Variants in WNK1 observed in about 807,000 individuals in gnomAD.
WNK1 encodes the protein WNK lysine deficient protein kinase 1.
Under a neutral mutation model 222.8 loss-of-function variants are expected in WNK1, and 38 were observed. The observed-to-expected ratio is 0.17, with a 90% CI of 0.13 to 0.22. The LOEUF (loss-of-function observed/expected upper bound fraction) is 0.22. WNK1 is among the 10% of genes least tolerant of loss of function. The probability of loss-of-function intolerance (pLI) is 1.00; values close to 1 mark genes in which losing one functional copy is unlikely to be tolerated. For missense variants in WNK1, 2,348 were observed against 2,918.4 expected (o/e 0.80, Z 4.50); for synonymous variants, 1,090 against 1,092.9 (o/e 1.00, Z 0.05).
intron 24 of WNK1, 124 bp downstream of exon 24, chr12:896,856 G>A (rs1954771138): frequency 9.8e-7 from 1 of 1,016,394 alleles, no homozygotes; most frequent in African/African-American, 1.6e-5. Context: ...AAGAGACAGT[G>A]CCACAGAAGC....
chr12:865,130 G>A (rs1186233666), intron 8 of WNK1: 1 of 1,515,040 alleles, frequency 6.6e-7, no homozygotes, highest in South Asian at 1.2e-5. Context: ...GCCGTAGCAT[G>A]TCGGTTTGTG....
At chr12:779,499 A>C (rs1943466690) in intron 1 of WNK1, among the ~76,000 whole-genome samples, 1 of 147,910 alleles carries the variant, frequency 6.8e-6, no homozygotes, top group East Asian at 2.0e-4. Context: ...CTGCCTCCTG[A>C]GTTCAAGTGA....
intron 4 of WNK1, among the ~76,000 whole-genome samples, chr12:849,770 A>G (rs1188340986): frequency 6.9e-6 from 1 of 145,442 alleles, no homozygotes; most frequent in Non-Finnish European, 1.5e-5. Flanking sequence ...TCCTGTGTCC[A>G]TGTGTTCTCA....
chr12:777,770 A>G (rs981506903), intron 1 of WNK1, among the ~76,000 whole-genome samples: 2 of 152,188 alleles, frequency 1.3e-5, no homozygotes, highest in Non-Finnish European at 2.9e-5. Context: ...CAATAGCTAC[A>G]TGGTAGCTAT....
At chr12:858,128 A>G (rs1950926016) in intron 5 of WNK1, among the ~76,000 whole-genome samples, 1 of 151,882 alleles carries the variant, frequency 6.6e-6, no homozygotes, top group Admixed American at 6.6e-5. Flanking sequence ...TCATTTTTAT[A>G]TATGCTGGGT....
At chr12:906,072 T>G (rs1955670578) in intron 26 of WNK1, among the ~76,000 whole-genome samples, 1 of 152,186 alleles carries the variant, frequency 6.6e-6, no homozygotes, top group Non-Finnish European at 1.5e-5. Flanking sequence ...GTGGCAGGAT[T>G]GCGTTAGGTG....
chr12:770,724 A>C (rs1942376099), intron 1 of WNK1, among the ~76,000 whole-genome samples: 1 of 152,098 alleles, frequency 6.6e-6, no homozygotes, highest in Non-Finnish European at 1.5e-5. Flanking sequence ...TTAAACTCTT[A>C]GTGGTTTGTG....
At chr12:793,504 G>A (rs1203703713) in intron 1 of WNK1, among the ~76,000 whole-genome samples, 1 of 152,092 alleles carries the variant, frequency 6.6e-6, no homozygotes, top group Non-Finnish European at 1.5e-5. Flanking sequence ...CAAATGAAAA[G>A]ACAGGTTGAT....
At position 897,613 on chromosome 12, in the gene WNK1, C is replaced by G. The variant is rs1565607272; in HGVS notation, c.6380C>G (p.Pro2127Arg). ...AAPLSGRRRR[P>R]TKSKGSKSSR... ...CCCCTTTCAGGGAGAAGACGACGAC[C>G]CACTAAAAGCAAAGGCAGCAAATCT... Residue 2127 changes from proline to arginine, a missense_variant, in exon 25 of 28, where the codon CCC becomes CGC. Transcript: ENST00000315939. 1 of 1,614,160 alleles carries G rather than the reference C, an allele frequency of 6.2e-7. No homozygotes were observed.
chr12:875,043 T>C (rs561150450), intron 9 of WNK1, among the ~76,000 whole-genome samples: 1 of 152,310 alleles, frequency 6.6e-6, no homozygotes, highest in African/African-American at 2.4e-5. Context: ...AAAAAAATTA[T>C]ACTGTGAGCA....
rs1247794148 is a variant in WNK1 at position 779,554 on chromosome 12, GC to G, written c.759+25232del. ...TGAGTAGCTGGAATTACAGGTGCGC[GC>G]CGCACCTGGCTAATCTTTGTATTTT... On this transcript the variant is annotated intron_variant, in intron 1 of 27. Coordinates refer to ENST00000315939, the MANE Select transcript of WNK1 (RefSeq NM_018979.4). 2.6e-5 allele frequency among the ~76,000 whole-genome samples: 4 copies of G among 151,806 alleles called. No homozygotes were observed. In the East Asian group the frequency reaches 7.7e-4, roughly 29 times the overall value.
At chr12:780,839 C>T (rs892757168) in intron 1 of WNK1, among the ~76,000 whole-genome samples, 7 of 152,124 alleles carry the variant, frequency 4.6e-5, no homozygotes, top group Non-Finnish European at 1.0e-4. Flanking sequence ...TAGGCCCATG[C>T]CTTAAATATG....
chr12:824,983 C>T (rs945553804), intron 2 of WNK1, among the ~76,000 whole-genome samples: 1 of 152,114 alleles, frequency 6.6e-6, no homozygotes, highest in African/African-American at 2.4e-5. Flanking sequence ...ATGCTTCACC[C>T]GTAAACCCTT....
intron 1 of WNK1, among the ~76,000 whole-genome samples, chr12:785,859 C>T (rs1215413614): frequency 3.9e-5 from 6 of 152,080 alleles, no homozygotes; most frequent in Non-Finnish European, 7.4e-5. Context: ...TTGAGTTGGG[C>T]ACTGAAAACT....
rs373233853 is a variant in WNK1, at chr12:881,884, A to T, written c.3210-27A>T. ...CTTTAAATCTCATATTATAAACTGC[A>T]CTTTTTTTTCTTTTTAAATTTCAAA... On this transcript the variant is annotated intron_variant, in intron 13 of 27. Coordinates refer to ENST00000315939, the MANE Select transcript of WNK1 (RefSeq NM_018979.4). 1.1e-5 allele frequency: 17 copies of T among 1,613,846 alleles called. No individual in the cohort carries two copies. The African/African-American group carries it at 2.0e-4, about 19-fold the overall frequency.
intron 4 of WNK1, among the ~76,000 whole-genome samples, chr12:833,281 TA>T (rs1341902986): frequency 6.6e-6 from 1 of 152,246 alleles, no homozygotes; most frequent in African/African-American, 2.4e-5. Flanking sequence ...ATTGTGAATT[TA>T]TTTTTTTATT....
chr12:769,689 G>A (rs546930898), intron 1 of WNK1, among the ~76,000 whole-genome samples: 4 of 152,260 alleles, frequency 2.6e-5, no homozygotes, highest in African/African-American at 9.6e-5. Flanking sequence ...AGGTGTGCTC[G>A]GCTACTGGGC....
chr12:760,760 GT>G (rs201087981), intron 1 of WNK1, among the ~76,000 whole-genome samples: 7 of 141,094 alleles, frequency 5.0e-5, no homozygotes, highest in Admixed American at 7.0e-5. Flanking sequence ...TTTATATGTA[GT>G]TTTTTTTTTA....
In WNK1 at chr12:908,279, G is replaced by C. The variant is rs371128643; in HGVS notation, c.6832-196G>C. On this transcript the variant is annotated intron_variant, in intron 27 of 27. Transcript: ENST00000315939. ...CGTCATCCTCAACTACACACACACA[G>C]ACACACACGCACATGACATCCCTCC... is the stretch of plus-strand genomic sequence containing the variant. 1.6e-4 allele frequency: 120 copies of C among 748,648 alleles called. No homozygotes were observed. In the East Asian group the frequency reaches 2.1e-3, roughly 13 times the overall value. The allele number at this position is 748,648 out of a possible 1,614,324, so 46.4% of individuals were successfully genotyped here. A position where few individuals can be genotyped will look rare whatever the true frequency, so the allele number is the denominator to read the frequency against.
Sources: gnomAD v4.1 joint callset for allele counts (sites outside exome capture counted in the v4.1 genomes callset) on GRCh38, gnomAD v4.1.1 for gene constraint, MANE v1.5 for transcripts, NCBI Gene and HGNC (gene_info 2026-07-23, HGNC 2026-07-21) for gene names.